CSMD1: variants seen among roughly 807,000 people sequenced by gnomAD.
The protein encoded by CSMD1 is CUB and Sushi multiple domains 1.
CSMD1 carries 213 observed loss-of-function variants against 417.5 expected under a neutral mutation model. The observed-to-expected ratio is 0.51, with a 90% confidence interval of 0.46 to 0.57. The LOEUF (loss-of-function observed/expected upper bound fraction) is 0.57, where lower values mean the gene tolerates loss of function less well. Ranked by LOEUF, CSMD1 falls within the 20% of genes least tolerant of loss-of-function variation. The pLI, the probability that CSMD1 is intolerant of heterozygous loss-of-function variation, is 0.00. For missense variants in CSMD1, 6,923 were observed against 4,529.7 expected (o/e 1.53, Z -15.17); for synonymous variants, 2,862 against 1,736.8 (o/e 1.65, Z -16.11).
intron 2 of CSMD1, among the ~76,000 whole-genome samples, chr8:4,519,936 CGTGT>C (rs67711521): frequency 3.1e-4 from 45 of 147,052 alleles, no homozygotes; most frequent in East Asian, 1.2e-3. Flanking sequence ...TGTGTGTGTG[CGTGT>C]GTGTGTGTGT....
At chr8:3,436,297 G>A (rs1253798026) in intron 12 of CSMD1, among the ~76,000 whole-genome samples, 2 of 152,236 alleles carry the variant, frequency 1.3e-5, no homozygotes, top group African/African-American at 4.8e-5. Flanking sequence ...CATATCAGAG[G>A]TACAAAAAGG....
chr8:4,756,492 A>G (rs1271184625), intron 1 of CSMD1, among the ~76,000 whole-genome samples: 1 of 152,210 alleles, frequency 6.6e-6, no homozygotes, highest in East Asian at 1.9e-4. Flanking sequence ...ATAAATGTAA[A>G]TAATATTTGT....
chr8:3,798,303 G>C (rs574514051), intron 5 of CSMD1, among the ~76,000 whole-genome samples: 119 of 152,074 alleles, frequency 7.8e-4, no homozygotes, highest in African/African-American at 2.6e-3. Context: ...CTTAGGATTA[G>C]TGCTTCGTCT....
In CSMD1 at chr8:3,772,200, A is replaced by T. The variant is rs1172768960; in HGVS notation, c.819-18158T>A. ...TATATATATATATATACACACACAC[A>T]CACACACACACACACATATAATACA... On this transcript the variant is annotated intron_variant, in intron 5 of 69. Coordinates refer to ENST00000635120, the MANE Select transcript of CSMD1 (RefSeq NM_033225.6). Among the ~76,000 whole-genome samples, 18 of 138,746 alleles carry T rather than the reference A, an allele frequency of 1.3e-4. 1 individual carries two copies. The highest frequency in any genetic ancestry group is 4.5e-4 in the South Asian group (2 of 4,442). The allele number at this position is 138,746 out of a possible 152,430, so 91.0% of individuals were successfully genotyped here. A position where few individuals can be genotyped will look rare whatever the true frequency, so the allele number is the denominator to read the frequency against.
intron 7 of CSMD1, among the ~76,000 whole-genome samples, chr8:3,684,724 A>G (rs1799858435): frequency 6.6e-6 from 1 of 151,786 alleles, no homozygotes; most frequent in African/African-American, 2.4e-5. Context: ...CAGCCTCCAG[A>G]GGAGTAGCTG....
chr8:3,624,324 C>A (rs1390956859), intron 7 of CSMD1, among the ~76,000 whole-genome samples: 9 of 152,134 alleles, frequency 5.9e-5, no homozygotes, highest in Non-Finnish European at 8.8e-5. Context: ...TATAATCCAC[C>A]TTTAGAGAAC....
intron 2 of CSMD1, among the ~76,000 whole-genome samples, chr8:4,457,790 C>T (rs1347685304): frequency 1.3e-5 from 2 of 152,132 alleles, no homozygotes; most frequent in Non-Finnish European, 2.9e-5. Flanking sequence ...TCCCAAGTCC[C>T]TCTTAGCTGG....
chr8:3,833,564 C>G (rs1312376498), intron 5 of CSMD1, among the ~76,000 whole-genome samples: 2 of 151,908 alleles, frequency 1.3e-5, no homozygotes, highest in Non-Finnish European at 2.9e-5. Context: ...AAGTGGTAAT[C>G]AACTTTTTTG....
At chr8:4,581,794 A>T (rs563415654) in intron 2 of CSMD1, among the ~76,000 whole-genome samples, 1 of 152,310 alleles carries the variant, frequency 6.6e-6, no homozygotes, top group East Asian at 1.9e-4. Context: ...GGCTATTGCT[A>T]GGCTCTGAGC....
chr8:4,836,106 C>G (rs960473002), intron 1 of CSMD1, among the ~76,000 whole-genome samples: 1 of 152,108 alleles, frequency 6.6e-6, no homozygotes, highest in African/African-American at 2.4e-5. Flanking sequence ...GATCAACTGT[C>G]AGAGCTTCAG....
chr8:2,951,492 G>C (rs1325220175), intron 65 of CSMD1, among the ~76,000 whole-genome samples: 1 of 152,146 alleles, frequency 6.6e-6, no homozygotes, highest in Non-Finnish European at 1.5e-5. Flanking sequence ...AGACACTTGT[G>C]CTTATGGGTT....
chr8:4,062,437 G>C (rs775118218), intron 3 of CSMD1, among the ~76,000 whole-genome samples: 2 of 152,076 alleles, frequency 1.3e-5, no homozygotes, highest in African/African-American at 2.4e-5. Context: ...AATTTTCTAA[G>C]AATCTCAGAT....
At chr8:4,798,353 A>G (rs1057119531) in intron 1 of CSMD1, among the ~76,000 whole-genome samples, 9 of 152,232 alleles carry the variant, frequency 5.9e-5, no homozygotes, top group Non-Finnish European at 8.8e-5. Context: ...ATCCTTTTTT[A>G]TGGCTGCATA....
intron 1 of CSMD1, among the ~76,000 whole-genome samples, chr8:4,742,207 T>A (rs1233712324): frequency 2.0e-5 from 3 of 151,004 alleles, no homozygotes; most frequent in Non-Finnish European, 3.0e-5. Flanking sequence ...ATTTTTTGTA[T>A]TTTTAGTAGA....
chr8:4,774,169 C>A (rs1012079367), intron 1 of CSMD1, among the ~76,000 whole-genome samples: 8 of 152,146 alleles, frequency 5.3e-5, no homozygotes, highest in Non-Finnish European at 1.0e-4. Context: ...CACTGCCTAC[C>A]AGCCTGGGTG....
At chr8:3,438,062 A>C (rs188963619) in intron 12 of CSMD1, among the ~76,000 whole-genome samples, 159 of 152,366 alleles carry the variant, frequency 1.0e-3, no homozygotes, top group Non-Finnish European at 1.6e-3. Flanking sequence ...AAGTATCCAT[A>C]GAATTTACCC....
At chr8:4,403,539 G>A (rs548731218) in intron 3 of CSMD1, among the ~76,000 whole-genome samples, 20 of 152,062 alleles carry the variant, frequency 1.3e-4, no homozygotes, top group Non-Finnish European at 2.8e-4. Flanking sequence ...TCATTCGCCA[G>A]GGCTGATCAC....
intron 12 of CSMD1, among the ~76,000 whole-genome samples, chr8:3,421,628 A>G (rs1321193655): frequency 6.6e-6 from 1 of 152,144 alleles, no homozygotes; most frequent in African/African-American, 2.4e-5. Context: ...TAAATTATAA[A>G]TTCTACAGAT....
intron 7 of CSMD1, among the ~76,000 whole-genome samples, chr8:3,670,021 A>T (rs1245124395): frequency 6.6e-6 from 1 of 152,184 alleles, no homozygotes; most frequent in Non-Finnish European, 1.5e-5. Flanking sequence ...AAGTTATGTA[A>T]AAGGCAGTGA....
Sources: gnomAD v4.1 joint callset for allele counts (sites outside exome capture counted in the v4.1 genomes callset) on GRCh38, gnomAD v4.1.1 for gene constraint, MANE v1.5 for transcripts, NCBI Gene and HGNC (gene_info 2026-07-23, HGNC 2026-07-21) for gene names.